F13A1: variants seen among roughly 807,000 people sequenced by gnomAD.
The protein encoded by F13A1 is coagulation factor XIII A chain.
In F13A1, 47 loss-of-function variants were observed where a neutral mutation model predicts 80.1. The ratio of observed to expected loss-of-function variants is 0.59; its 90% CI spans 0.46 to 0.75. The LOEUF is 0.75. F13A1 is among the 30% of genes least tolerant of loss of function. F13A1 has a pLI of 0.00. For missense variants in F13A1, 817 were observed against 930.4 expected, an observed-to-expected ratio of 0.88 and a Z score of 1.59; for synonymous variants, 349 against 344.9, an observed-to-expected ratio of 1.01 and a Z score of -0.13.
At chr6:6,222,568 G>C (rs544659281) in intron 7 of F13A1, among the ~76,000 whole-genome samples, 5 of 152,308 alleles carry the variant, frequency 3.3e-5, no homozygotes, top group African/African-American at 7.2e-5. Flanking sequence ...GTCCTTGGTG[G>C]AATTTGCTGT....
intron 9 of F13A1, among the ~76,000 whole-genome samples, chr6:6,196,334 A>C (rs1184712568): frequency 1.3e-5 from 2 of 152,214 alleles, no homozygotes; most frequent in Non-Finnish European, 2.9e-5. Context: ...TTGCCTGTGC[A>C]TTTTGGCCAT....
At chr6:6,189,920 T>C (rs1455865644) in intron 10 of F13A1, among the ~76,000 whole-genome samples, 1 of 152,142 alleles carries the variant, frequency 6.6e-6, no homozygotes, top group Non-Finnish European at 1.5e-5. Flanking sequence ...GCTTTTCTGG[T>C]TTCTTTTTAT....
chr6:6,285,612 T>C (rs1030855122), intron 3 of F13A1, among the ~76,000 whole-genome samples: 1 of 152,210 alleles, frequency 6.6e-6, no homozygotes, highest in Non-Finnish European at 1.5e-5. Flanking sequence ...ATTACTTCTC[T>C]AACAAATGAG....
In F13A1 at chr6:6,222,679, GC is replaced by G; in HGVS notation, c.974-509del. Among the ~76,000 whole-genome samples, 3 of 152,220 alleles carry G rather than the reference GC, an allele frequency of 2.0e-5. No individual in the cohort carries two copies. In the South Asian group the frequency reaches 6.2e-4, roughly 32 times the overall value. On this transcript the variant is annotated intron_variant, in intron 7 of 14. Transcript: ENST00000264870. ...AACAAATTATCTGAATACCTTTCTTGCCATATGTACCTACTGATTAAACTTA... is the reference window on the plus strand; with the variant it reads ...AACAAATTATCTGAATACCTTTCTTGCATATGTACCTACTGATTAAACTTA...
intron 2 of F13A1, among the ~76,000 whole-genome samples, chr6:6,317,679 G>A (rs1758704120): frequency 6.6e-6 from 1 of 152,128 alleles, no homozygotes; most frequent in African/African-American, 2.4e-5. Context: ...CACAGCTCCA[G>A]CATGACCATG....
intron 13 of F13A1, among the ~76,000 whole-genome samples, chr6:6,163,834 A>C (rs1760617451): frequency 1.3e-5 from 2 of 152,210 alleles, no homozygotes; most frequent in Non-Finnish European, 2.9e-5. Context: ...CTACGCAGTA[A>C]TGGGATTGCT....
At chr6:6,217,660 C>A (rs1347826582) in intron 8 of F13A1, among the ~76,000 whole-genome samples, 1 of 151,436 alleles carries the variant, frequency 6.6e-6, no homozygotes, top group Non-Finnish European at 1.5e-5. Flanking sequence ...CACATGTACC[C>A]TAAAACTTAA....
chr6:6,172,950 T>C (rs1561642908), intron 12 of F13A1, among the ~76,000 whole-genome samples: 1 of 152,222 alleles, frequency 6.6e-6, no homozygotes, highest in Non-Finnish European at 1.5e-5. Context: ...TTCAGACTTG[T>C]GGCTTGACCA....
At chr6:6,249,745 G>A (rs1583093855) in intron 5 of F13A1, among the ~76,000 whole-genome samples, 2 of 152,312 alleles carry the variant, frequency 1.3e-5, no homozygotes, top group Admixed American at 1.3e-4. Context: ...GCATCAGGCA[G>A]TAGGCAGTAT....
intron 2 of F13A1, among the ~76,000 whole-genome samples, chr6:6,316,865 C>A (rs908552758): frequency 1.3e-5 from 2 of 148,572 alleles, no homozygotes; most frequent in Non-Finnish European, 2.9e-5. Flanking sequence ...ATATGACTTT[C>A]CCAGAGTGAG....
chr6:6,157,520 C>T (rs1760497462), intron 13 of F13A1, among the ~76,000 whole-genome samples: 1 of 152,036 alleles, frequency 6.6e-6, no homozygotes, highest in Non-Finnish European at 1.5e-5. Flanking sequence ...TATCGCTAAA[C>T]CATCAGTTGA....
At chr6:6,206,293 T>C (rs1356302572) in intron 8 of F13A1, 1 of 359,420 alleles carries the variant, frequency 2.8e-6, no homozygotes, top group Non-Finnish European at 5.5e-6. Flanking sequence ...GCCTAGGCGG[T>C]GCATACTTTA....
At chr6:6,312,019 A>T (rs1222538160) in intron 2 of F13A1, among the ~76,000 whole-genome samples, 1 of 147,972 alleles carries the variant, frequency 6.8e-6, no homozygotes, top group Non-Finnish European at 1.5e-5. Flanking sequence ...ATTATATATA[A>T]GCAAACTTTT....
chr6:6,172,268 C>A (rs1250902297), intron 12 of F13A1, among the ~76,000 whole-genome samples: 1 of 142,258 alleles, frequency 7.0e-6, no homozygotes, highest in Non-Finnish European at 1.5e-5. Context: ...TCGCTTACAT[C>A]CAGAATTGTC....
intron 14 of F13A1, among the ~76,000 whole-genome samples, chr6:6,150,552 AAAGTTG>A: frequency 6.6e-6 from 1 of 152,212 alleles, no homozygotes; most frequent in African/African-American, 2.4e-5. Context: ...TATGGGCAAT[AAAGTTG>A]CCCCAGAGGG....
chr6:6,218,022 C>A (rs185701120), intron 8 of F13A1, among the ~76,000 whole-genome samples: 1 of 132,304 alleles, frequency 7.6e-6, no homozygotes, highest in African/African-American at 2.7e-5. Context: ...AGATCAGACA[C>A]TGCTCCCCCT....
rs1011623843 is a variant in F13A1 at position 6,151,871 on chromosome 6, T to C, written c.1987A>G (p.Asn663Asp). The part of the protein sequence containing the change: ...FTNPLKETLR[N>D]VWVHLDGPGV... Reference sequence around the variant, plus strand: ...GGACCATCCAGGTGTACCCAGACATTTCGCAGGGTTTCTTTTAAAGGATTG... The same window carrying C: ...GGACCATCCAGGTGTACCCAGACATCTCGCAGGGTTTCTTTTAAAGGATTG... Residue 663 changes from asparagine to aspartate, a missense_variant, in exon 14 of 15, where the codon AAT (asparagine) becomes GAT (aspartate). Transcript: ENST00000264870. The C allele has an allele frequency of 6.2e-7, 1 of 1,614,086 alleles. No individual in the cohort carries two copies. The highest frequency in any genetic ancestry group is 1.1e-5 in the South Asian group (1 of 91,084).
intron 7 of F13A1, among the ~76,000 whole-genome samples, chr6:6,223,645 T>C (rs1169074382): frequency 6.6e-6 from 1 of 152,214 alleles, no homozygotes; most frequent in African/African-American, 2.4e-5. Flanking sequence ...TTATCCTGTT[T>C]GATACTATGG....
intron 4 of F13A1, among the ~76,000 whole-genome samples, chr6:6,254,520 A>C (rs1263429958): frequency 6.6e-6 from 1 of 152,204 alleles, no homozygotes; most frequent in Non-Finnish European, 1.5e-5. Context: ...ACAGAGCAAC[A>C]GGTTGACACA....
Sources: allele counts gnomAD v4.1 joint callset (sites outside exome capture counted in the v4.1 genomes callset), GRCh38; gene constraint gnomAD v4.1.1; transcripts MANE v1.5; gene names NCBI Gene and HGNC (gene_info 2026-07-23, HGNC 2026-07-21).